Variants in NXPH1 observed in about 807,000 individuals in gnomAD.
The protein encoded by NXPH1 is neurexophilin-1.
NXPH1 carries 5 observed loss-of-function variants against 23.7 expected under a neutral mutation model. The ratio of observed to expected loss-of-function variants is 0.21; its 90% CI spans 0.11 to 0.44. The LOEUF (loss-of-function observed/expected upper bound fraction) is 0.44, where lower values mean the gene tolerates loss of function less well. Ranked by LOEUF, NXPH1 falls within the 20% of genes least tolerant of loss-of-function variation. The pLI is 0.99. For missense variants in NXPH1, 324 were observed against 321.6 expected (o/e 1.01, Z -0.06); for synonymous variants, 144 against 122.2 (o/e 1.18, Z -1.18).
In NXPH1 at chr7:8,443,965, G is replaced by C. The variant is rs145402388; in HGVS notation, c.54+8198G>C. 4.1e-3 allele frequency among the ~76,000 whole-genome samples: 622 copies of C among 152,326 alleles called. 1 individual carries two copies. The highest frequency in any genetic ancestry group is 6.9e-3 in the Non-Finnish European group (466 of 68,026). ...GCTGTTGCACACTCCCCTGGGGGCTGTCTGCACGCCCTAGAGCAGACACTG... is the reference window on the plus strand; with the variant it reads ...GCTGTTGCACACTCCCCTGGGGGCTCTCTGCACGCCCTAGAGCAGACACTG... On this transcript the variant is annotated intron_variant, in intron 2 of 2. Transcript: ENST00000405863.
At chr7:8,660,642 T>C (rs1425759680) in intron 2 of NXPH1, among the ~76,000 whole-genome samples, 1 of 152,210 alleles carries the variant, frequency 6.6e-6, no homozygotes, top group South Asian at 2.1e-4. Flanking sequence ...TCACTGAAAC[T>C]GAAATCCTTT....
chr7:8,736,611 T>A (rs190251864), intron 2 of NXPH1, among the ~76,000 whole-genome samples: 110 of 152,344 alleles, frequency 7.2e-4, no homozygotes, highest in African/African-American at 2.3e-3. Flanking sequence ...TTCTGTTGAT[T>A]TGGGATGGAG....
intron 2 of NXPH1, among the ~76,000 whole-genome samples, chr7:8,747,636 A>G (rs943122860): frequency 6.6e-6 from 1 of 152,346 alleles, no homozygotes; most frequent in East Asian, 1.9e-4. Context: ...ATTCCAGGCA[A>G]AAGCCAGAGA....
At chr7:8,533,881 A>T (rs567629871) in intron 2 of NXPH1, among the ~76,000 whole-genome samples, 2 of 152,152 alleles carry the variant, frequency 1.3e-5, no homozygotes, top group East Asian at 3.9e-4. Flanking sequence ...AATATTTTGA[A>T]ATTCTTTCTG....
chr7:8,656,351 T>C (rs1820581651), intron 2 of NXPH1, among the ~76,000 whole-genome samples: 1 of 152,190 alleles, frequency 6.6e-6, no homozygotes, highest in Non-Finnish European at 1.5e-5. Flanking sequence ...CCTTAATATA[T>C]GCTAGACACT....
rs73050640 is a variant in NXPH1, at chr7:8,546,345, C to T, written c.54+110578C>T. On this transcript the variant is annotated intron_variant, in intron 2 of 2. Coordinates refer to ENST00000405863, the MANE Select transcript of NXPH1 (RefSeq NM_152745.3). ...ATGTTCCATCAGATCATTACTGAAA[C>T]GAGATGGGGATATTCTTTACTAGTG... Among the ~76,000 whole-genome samples the T allele has an allele frequency of 7.4e-3, 1,126 of 151,434 alleles. 4 individuals are homozygous for T. The highest frequency in any genetic ancestry group is 0.031 in the Middle Eastern group (9 of 294).
intron 2 of NXPH1, among the ~76,000 whole-genome samples, chr7:8,711,692 A>G (rs925274658): frequency 6.6e-6 from 1 of 152,096 alleles, no homozygotes; most frequent in Non-Finnish European, 1.5e-5. Context: ...ATGCATACAT[A>G]TGTATGTGAG....
chr7:8,721,599 C>A (rs1779971520), intron 2 of NXPH1, among the ~76,000 whole-genome samples: 1 of 152,014 alleles, frequency 6.6e-6, no homozygotes, highest in Non-Finnish European at 1.5e-5. Context: ...CACGGTGAAA[C>A]CCTGTCTCCA....
intron 2 of NXPH1, among the ~76,000 whole-genome samples, chr7:8,664,199 A>G (rs145595985): frequency 1.4e-3 from 218 of 152,048 alleles, no homozygotes; most frequent in African/African-American, 5.1e-3. Context: ...CTCCTCCCTC[A>G]AGTGCTTTCT....
chr7:8,750,821 T>C (rs1780550644), intron 2 of NXPH1, among the ~76,000 whole-genome samples, 187 bp from the exon 3 acceptor site: 1 of 152,168 alleles, frequency 6.6e-6, no homozygotes, highest in Non-Finnish European at 1.5e-5. Context: ...TAAAACGTAA[T>C]TATTTAATTC....
chr7:8,676,981 T>G (rs1820962936), intron 2 of NXPH1, among the ~76,000 whole-genome samples: 1 of 152,204 alleles, frequency 6.6e-6, no homozygotes, highest in South Asian at 2.1e-4. Flanking sequence ...CAGCAAATAC[T>G]GGGTCTCTAT....
At chr7:8,540,579 G>T (rs1387928782) in intron 2 of NXPH1, among the ~76,000 whole-genome samples, 4 of 151,710 alleles carry the variant, frequency 2.6e-5, no homozygotes, top group Admixed American at 1.3e-4. Flanking sequence ...GGTCAAGGCG[G>T]TTAGGATTCA....
intron 2 of NXPH1, among the ~76,000 whole-genome samples, chr7:8,491,190 C>T (rs566764567): frequency 3.2e-4 from 48 of 151,962 alleles, no homozygotes; most frequent in African/African-American, 8.2e-4. Context: ...TAAGCTTGAA[C>T]GGGAATCCAC....
intron 2 of NXPH1, among the ~76,000 whole-genome samples, chr7:8,459,093 T>C (rs1243130090): frequency 6.6e-6 from 1 of 151,656 alleles, no homozygotes; most frequent in Non-Finnish European, 1.5e-5. Context: ...TCCTTGATTT[T>C]TTTTTTCTTC....
chr7:8,485,363 A>G (rs978599620), intron 2 of NXPH1, among the ~76,000 whole-genome samples: 5 of 152,154 alleles, frequency 3.3e-5, no homozygotes, highest in African/African-American at 1.2e-4. Flanking sequence ...AGTCTTGGGT[A>G]TGTCTTTATT....
chr7:8,557,042 ACT>A (rs1818368672), intron 2 of NXPH1, among the ~76,000 whole-genome samples: 2 of 151,578 alleles, frequency 1.3e-5, no homozygotes, highest in East Asian at 3.9e-4. Flanking sequence ...CATACGCTTA[ACT>A]CTCCTGTTTC....
chr7:8,554,106 A>G lies in NXPH1; in HGVS notation c.54+118339A>G, dbSNP rs535301108. Among the ~76,000 whole-genome samples, 9 of 151,774 alleles carry G rather than the reference A, an allele frequency of 5.9e-5. No individual in the cohort carries two copies. The South Asian group carries it at 8.3e-4, about 14-fold the overall frequency. On this transcript the variant is annotated intron_variant, in intron 2 of 2. Transcript: ENST00000405863. ...GGTGGAGTTATGCTTGTTAAGAGCT[A>G]AGTAAGATCTTGGTCTCAACAAGAT...
chr7:8,707,256 A>T (rs185477341), intron 2 of NXPH1, among the ~76,000 whole-genome samples: 22 of 152,306 alleles, frequency 1.4e-4, no homozygotes, highest in African/African-American at 5.3e-4. Context: ...AGCTTCTAGC[A>T]GGCCCAGCTT....
chr7:8,475,059 C>T (rs1816945919), intron 2 of NXPH1, among the ~76,000 whole-genome samples: 1 of 152,142 alleles, frequency 6.6e-6, no homozygotes. Context: ...TGGAGAGGCA[C>T]TCTGACTGGG....
Sources: allele counts gnomAD v4.1 joint callset (sites outside exome capture counted in the v4.1 genomes callset), GRCh38; gene constraint gnomAD v4.1.1; transcripts MANE v1.5; gene names NCBI Gene and HGNC (gene_info 2026-07-23, HGNC 2026-07-21).